The following GPR149 variants were observed in gnomAD, a reference collection of about 807,000 sequenced individuals.
GPR149 encodes G protein-coupled receptor 149.
Under a neutral mutation model 50.2 loss-of-function variants are expected in GPR149, and 50 were observed. The ratio of observed to expected loss-of-function variants is 1.00; its 90% confidence interval spans 0.79 to 1.26. The LOEUF is 1.26. Among genes scored for constraint, GPR149 ranks in the 50% most tolerant of loss-of-function variants. The pLI is 0.00. For missense variants in GPR149, 983 were observed against 895.4 expected, an observed-to-expected ratio of 1.10 and a Z score of -1.25; for synonymous variants, 405 against 358.2, an observed-to-expected ratio of 1.13 and a Z score of -1.48.
At chr3:154,417,972 AAAAC>A (rs1395726122) in intron 3 of GPR149, among the ~76,000 whole-genome samples, 10 of 152,144 alleles carry the variant, frequency 6.6e-5, no homozygotes, top group South Asian at 2.1e-4. Flanking sequence ...TTACAAGAAA[AAAAC>A]AAACAACCCC....
At position 154,430,015 on chromosome 3, in the gene GPR149, G is replaced by C. The variant is rs1712440088; in HGVS notation, c.-400C>G. 6.6e-6 allele frequency among the ~76,000 whole-genome samples: 1 copy of C among 152,098 alleles called. No individual in the cohort carries two copies. The highest frequency in any genetic ancestry group is 2.4e-5 in the African/African-American group (1 of 41,422). On this transcript the variant is annotated 5_prime_UTR_variant, in exon 1 of 4. It introduces an in-frame stop codon into an upstream open reading frame of the 5' UTR. Transcript: ENST00000389740. ...TATGGAGCAAAGCAGCTTGTAGCTTGAGATAATCAAACTCTGTTCACTTTT... is the reference window on the plus strand; with the variant it reads ...TATGGAGCAAAGCAGCTTGTAGCTTCAGATAATCAAACTCTGTTCACTTTT...
At chr3:154,351,675 T>C (rs1443786290) in intron 3 of GPR149, among the ~76,000 whole-genome samples, 2 of 152,170 alleles carry the variant, frequency 1.3e-5, no homozygotes, top group African/African-American at 4.8e-5. Flanking sequence ...ATACTTTGAA[T>C]AGCAAAAGAC....
At chr3:154,350,738 T>A (rs1240011691) in intron 3 of GPR149, among the ~76,000 whole-genome samples, 2 of 152,178 alleles carry the variant, frequency 1.3e-5, no homozygotes, top group African/African-American at 2.4e-5. Context: ...AAAATTATTT[T>A]GAAAAAATAA....
At position 154,429,821 on chromosome 3, in the gene GPR149, T is replaced by TA. The variant is rs3075921; in HGVS notation, c.-207dup. 22,420 of 326,108 alleles carry TA rather than the reference T, an allele frequency of 0.069. 645 individuals carry two copies. Among genetic ancestry groups the TA allele is most frequent in the African/African-American group, 0.18 (7,904 of 44,294 alleles). 20.2% of individuals were successfully genotyped at this position (326,108 alleles called of 1,614,324 possible). A position where few individuals can be genotyped will look rare whatever the true frequency, so the allele number is the denominator to read the frequency against. Reference sequence around the variant, plus strand: ...TAAAAATTAGGTTCCATTTCAAGCATAAAAAAAAAAAAACCCGAACAGATA... The same window carrying TA: ...TAAAAATTAGGTTCCATTTCAAGCATAAAAAAAAAAAAAACCCGAACAGATA... On this transcript the variant is annotated 5_prime_UTR_variant, in exon 1 of 4. An upstream open reading frame in the 5' UTR gains an earlier in-frame stop. Transcript: ENST00000389740.
chr3:154,419,697 A>G (rs187146197), intron 3 of GPR149, among the ~76,000 whole-genome samples: 2,008 of 152,140 alleles, frequency 0.013, 33 homozygotes, highest in African/African-American at 0.046. Flanking sequence ...AGTTATTGGG[A>G]TGGACACACA....
At chr3:154,387,877 C>G (rs774313646) in intron 3 of GPR149, among the ~76,000 whole-genome samples, 2 of 152,170 alleles carry the variant, frequency 1.3e-5, no homozygotes, top group African/African-American at 4.8e-5. Context: ...AAACAATACA[C>G]GTCTTGTGAA....
intron 3 of GPR149, among the ~76,000 whole-genome samples, chr3:154,379,520 G>T (rs1294334474): frequency 6.6e-6 from 1 of 152,024 alleles, no homozygotes; most frequent in Non-Finnish European, 1.5e-5. Context: ...TTTTCCTAAT[G>T]CAGGGTCACA....
intron 3 of GPR149, among the ~76,000 whole-genome samples, chr3:154,351,600 T>A (rs1714082838): frequency 6.6e-6 from 1 of 152,176 alleles, no homozygotes; most frequent in South Asian, 2.1e-4. Flanking sequence ...AGTCTATTGT[T>A]GAACCTGAGA....
intron 3 of GPR149, among the ~76,000 whole-genome samples, chr3:154,385,401 T>C (rs1715023073): frequency 6.6e-6 from 1 of 152,204 alleles, no homozygotes; most frequent in African/African-American, 2.4e-5. Context: ...TGGGTACAAA[T>C]GTTTTGTAAA....
chr3:154,411,215 G>C (rs1711823077), intron 3 of GPR149, among the ~76,000 whole-genome samples: 1 of 152,114 alleles, frequency 6.6e-6, no homozygotes, highest in Non-Finnish European at 1.5e-5. Context: ...AAAGTTCATA[G>C]TATTAAATAC....
intron 1 of GPR149, among the ~76,000 whole-genome samples, chr3:154,428,354 C>T (rs1347279223): frequency 1.3e-5 from 2 of 152,142 alleles, no homozygotes; most frequent in African/African-American, 4.8e-5. Context: ...TATCCTTGGC[C>T]ACCACCGATA....
At chr3:154,410,065 G>A (rs751333639) in intron 3 of GPR149, among the ~76,000 whole-genome samples, 10 of 152,086 alleles carry the variant, frequency 6.6e-5, no homozygotes, top group Non-Finnish European at 1.3e-4. Flanking sequence ...GAAGGGATTG[G>A]GGTCCTACTT....
Position 154,429,834 on chromosome 3 carries a change from ACCC to A in GPR149, c.-222_-220del. ...CCATTTCAAGCATAAAAAAAAAAAA[ACCC>A]GAACAGATAACTTTTCAACATTCCA... On this transcript the variant is annotated 5_prime_UTR_variant, in exon 1 of 4. Transcript: ENST00000389740. 2.7e-6 allele frequency: 1 copy of A among 373,190 alleles called. No individual in the cohort carries two copies. Among genetic ancestry groups the A allele is most frequent in the Non-Finnish European group, 4.7e-6 (1 of 210,698 alleles). The allele number at this position is 373,190 out of a possible 1,614,324, so 23.1% of individuals were successfully genotyped here.
intron 2 of GPR149, 39 bp downstream of exon 2, chr3:154,427,477 T>C (rs373308053): frequency 3.9e-6 from 6 of 1,543,024 alleles, no homozygotes; most frequent in Non-Finnish European, 5.2e-6. Context: ...AGTCACCTAA[T>C]GCATATTGCT....
chr3:154,421,371 T>C lies in GPR149; in HGVS notation c.1291A>G (p.Met431Val), dbSNP rs763297214. The change falls in exon 3 of 4, where the codon ATG becomes GTG. Residue 431 changes from methionine (M) to valine (V), a missense_variant. By Grantham distance (21) the Met-to-Val change is conservative (BLOSUM62 1). Transcript: ENST00000389740. Reference protein sequence around the residue: ...DENSIFYHNLMNSECETTKDP... With the variant: ...DENSIFYHNLVNSECETTKDP... ...TTTGTAGTTTCACACTCAGAGTTCA[T>C]CAGGTTGTGATAGAATATGGAATTT... The C allele has an allele frequency of 3.1e-6, 5 of 1,613,012 alleles. No individual in the cohort carries two copies. Among genetic ancestry groups the C allele is most frequent in the African/African-American group, 1.3e-5 (1 of 74,994 alleles).
At chr3:154,427,086 A>C (rs1294977843) in intron 2 of GPR149, among the ~76,000 whole-genome samples, 1 of 151,846 alleles carries the variant, frequency 6.6e-6, no homozygotes, top group Non-Finnish European at 1.5e-5. Context: ...TGAGTTTTCA[A>C]CTCCTTTCAG....
intron 3 of GPR149, among the ~76,000 whole-genome samples, chr3:154,381,573 T>C (rs768735552): frequency 6.6e-6 from 1 of 152,188 alleles, no homozygotes; most frequent in Non-Finnish European, 1.5e-5. Flanking sequence ...AACTGATAAT[T>C]ATTTTGAAAT....
chr3:154,392,533 A>G (rs1286381059), intron 3 of GPR149, among the ~76,000 whole-genome samples: 1 of 151,896 alleles, frequency 6.6e-6, no homozygotes, highest in African/African-American at 2.4e-5. Context: ...AAGAAGCTGA[A>G]AAAGAAGAAC....
intron 3 of GPR149, among the ~76,000 whole-genome samples, chr3:154,397,713 C>T (rs1330414180): frequency 6.6e-6 from 1 of 152,114 alleles, no homozygotes; most frequent in African/African-American, 2.4e-5. Context: ...TGATTTAAAG[C>T]TAGCACTGTG....
Sources: allele counts gnomAD v4.1 joint callset (sites outside exome capture counted in the v4.1 genomes callset), GRCh38; gene constraint gnomAD v4.1.1; transcripts MANE v1.5; gene names NCBI Gene and HGNC (gene_info 2026-07-23, HGNC 2026-07-21).